Variants in ARHGEF3 observed in about 807,000 individuals in gnomAD.
The protein encoded by ARHGEF3 is 59.8 kDA protein.
ARHGEF3 carries 28 observed loss-of-function variants against 63.2 expected under a neutral mutation model. The ratio of observed to expected loss-of-function variants is 0.44; its 90% CI spans 0.33 to 0.61. ARHGEF3 has a LOEUF of 0.61. Ranked by LOEUF, ARHGEF3 falls within the 20% of genes least tolerant of loss-of-function variation. ARHGEF3 has a pLI of 0.03. For synonymous variants in ARHGEF3, 266 were observed against 254.2 expected, an observed-to-expected ratio of 1.05 and a Z score of -0.44; for missense variants, 533 against 659.3, an observed-to-expected ratio of 0.81 and a Z score of 2.10.
At chr3:56,935,342 C>T (rs558988765) in intron 3 of ARHGEF3, among the ~76,000 whole-genome samples, 1 of 152,318 alleles carries the variant, frequency 6.6e-6, no homozygotes, top group South Asian at 2.1e-4. Flanking sequence ...AAACAGACCA[C>T]TCGGCTCTAC....
chr3:56,758,913 A>G (rs138836301), intron 2 of ARHGEF3, among the ~76,000 whole-genome samples: 47 of 152,168 alleles, frequency 3.1e-4, no homozygotes, highest in African/African-American at 1.1e-3. Flanking sequence ...AAACTTCAAA[A>G]TGAAAGTTTC....
chr3:56,971,431 C>G (rs183655093), intron 2 of ARHGEF3, among the ~76,000 whole-genome samples: 106 of 152,220 alleles, frequency 7.0e-4, no homozygotes, highest in Non-Finnish European at 1.5e-3. Context: ...CAAATGCCAA[C>G]CAACTTCTCA....
intron 8 of ARHGEF3, among the ~76,000 whole-genome samples, chr3:56,735,890 G>A (rs746156348): frequency 2.6e-5 from 4 of 152,188 alleles, no homozygotes; most frequent in Non-Finnish European, 5.9e-5. Context: ...TGGCTGCTCA[G>A]TCTAGACTAA....
In ARHGEF3 at chr3:56,873,387, C is replaced by T. The variant is rs548767106; in HGVS notation, c.192+8905G>A. On this transcript the variant is annotated intron_variant, in intron 4 of 12. Transcript: ENST00000338458. ...ATCTTCTCCCTCCTCCCTTCTCCCCCGCTCCACTCTCTGATAGGGCCCAAG... is the reference window on the plus strand; with the variant it reads ...ATCTTCTCCCTCCTCCCTTCTCCCCTGCTCCACTCTCTGATAGGGCCCAAG... Among the ~76,000 whole-genome samples the T allele has an allele frequency of 1.8e-3, 280 of 152,196 alleles. 1 individual carries two copies. The highest frequency in any genetic ancestry group is 6.4e-3 in the African/African-American group (265 of 41,526).
At chr3:56,979,592 AG>A (rs954564340) in intron 2 of ARHGEF3, among the ~76,000 whole-genome samples, 20 of 152,248 alleles carry the variant, frequency 1.3e-4, no homozygotes, top group African/African-American at 4.8e-4. Flanking sequence ...GGAATAAAGT[AG>A]GCCCCCTCCA....
At chr3:57,004,989 T>G (rs1702413938) in intron 2 of ARHGEF3, among the ~76,000 whole-genome samples, 2 of 151,284 alleles carry the variant, frequency 1.3e-5, no homozygotes, top group Admixed American at 6.6e-5. Context: ...TATATATATA[T>G]AGCTCTGTAA....
intron 4 of ARHGEF3, among the ~76,000 whole-genome samples, chr3:56,840,338 A>C (rs1453373162): frequency 1.3e-5 from 2 of 152,232 alleles, no homozygotes; most frequent in East Asian, 3.8e-4. Context: ...GTTCTAGGAC[A>C]AGAAGTGGTC....
chr3:57,046,882 CTCT>C (rs1560159720), intron 1 of ARHGEF3, among the ~76,000 whole-genome samples: 1 of 152,290 alleles, frequency 6.6e-6, no homozygotes, highest in East Asian at 1.9e-4. Flanking sequence ...TGCTGTTTTT[CTCT>C]TTTTTTCCTA....
intron 1 of ARHGEF3, among the ~76,000 whole-genome samples, chr3:56,790,328 C>A (rs996832834): frequency 2.0e-5 from 3 of 152,194 alleles, no homozygotes; most frequent in African/African-American, 7.2e-5. Context: ...AAGTCACCAC[C>A]AAACATCTGA....
chr3:56,925,168 C>T (rs905542022), intron 3 of ARHGEF3, among the ~76,000 whole-genome samples: 2 of 152,338 alleles, frequency 1.3e-5, no homozygotes, highest in Admixed American at 1.3e-4. Flanking sequence ...TGGCAGCTTG[C>T]AGAGGCAGAG....
intron 1 of ARHGEF3, among the ~76,000 whole-genome samples, chr3:57,046,085 A>T (rs911737478): frequency 6.6e-6 from 1 of 152,232 alleles, no homozygotes; most frequent in Non-Finnish European, 1.5e-5. Context: ...TTATGAAATT[A>T]TACCTAGCTA....
At chr3:56,873,965 T>C (rs570516099) in intron 4 of ARHGEF3, among the ~76,000 whole-genome samples, 47 of 152,330 alleles carry the variant, frequency 3.1e-4, no homozygotes, top group Middle Eastern at 3.4e-3. Flanking sequence ...ATATCATTCA[T>C]ATCCGAGAGT....
In ARHGEF3 at chr3:57,042,673, TATATATATATATATATATATATATATA is replaced by T. The variant is rs1197507892; in HGVS notation, c.-27-7524_-27-7498del. On this transcript the variant is annotated intron_variant, in intron 1 of 12. Coordinates refer to the ARHGEF3 transcript ENST00000338458. ...ATAAATATATATATATATATATATA[TATATATATATATATATATATATATATA>T]TTTTTTTTTTTTTTTAGACGGAGTC... Among the ~76,000 whole-genome samples, 117 of 37,570 alleles carry T rather than the reference TATATATATATATATATATATATATATA, an allele frequency of 3.1e-3. 1 individual carries two copies. Among genetic ancestry groups the T allele is most frequent in the African/African-American group, 8.4e-3 (80 of 9,540 alleles). The allele number at this position is 37,570 out of a possible 152,430, so 24.6% of individuals were successfully genotyped here. A position where few individuals can be genotyped will look rare whatever the true frequency, so the allele number is the denominator to read the frequency against.
intron 4 of ARHGEF3, among the ~76,000 whole-genome samples, chr3:56,866,554 C>T (rs1011784720): frequency 5.3e-5 from 8 of 152,128 alleles, no homozygotes; most frequent in Admixed American, 6.5e-5. Flanking sequence ...ATTTTTTTCA[C>T]AATATTGAGA....
chr3:56,750,898 CTTAAAT>C (rs1176615448), intron 6 of ARHGEF3, among the ~76,000 whole-genome samples, 152 bp downstream of exon 6: 1 of 151,438 alleles, frequency 6.6e-6, no homozygotes, highest in East Asian at 1.9e-4. Flanking sequence ...AGATACAAAA[CTTAAAT>C]TTAATTAAAA....
intron 2 of ARHGEF3, among the ~76,000 whole-genome samples, chr3:56,998,823 A>G (rs1377654254): frequency 1.3e-5 from 2 of 152,220 alleles, no homozygotes; most frequent in Non-Finnish European, 2.9e-5. Context: ...AGGCACACAG[A>G]GTCCTAACCT....
At chr3:56,775,541 C>T (rs781344024) in intron 1 of ARHGEF3, 30 of 986,342 alleles carry the variant, frequency 3.0e-5, no homozygotes, top group South Asian at 1.4e-4. Context: ...CAGCAGAAAA[C>T]TCTCAGAACA....
At chr3:56,882,856 G>A (rs2040815982) in intron 3 of ARHGEF3, among the ~76,000 whole-genome samples, 1 of 152,166 alleles carries the variant, frequency 6.6e-6, no homozygotes, top group Non-Finnish European at 1.5e-5. Flanking sequence ...GAAGTTATGA[G>A]AAACTATTAA....
chr3:57,061,965 TA>T (rs1705244417), intron 1 of ARHGEF3, among the ~76,000 whole-genome samples: 1 of 152,210 alleles, frequency 6.6e-6, no homozygotes, highest in Admixed American at 6.5e-5. Flanking sequence ...CTGCTCTGCC[TA>T]CAAGCATTTT....
Sources: allele counts gnomAD v4.1 joint callset (sites outside exome capture counted in the v4.1 genomes callset), GRCh38; gene constraint gnomAD v4.1.1; transcripts MANE v1.5; gene names NCBI Gene and HGNC (gene_info 2026-07-23, HGNC 2026-07-21).